The following CADPS variants were observed in gnomAD, a reference collection of about 807,000 sequenced individuals.
CADPS encodes calcium-dependent secretion activator 1.
A neutral mutation model predicts 167.3 loss-of-function variants in CADPS; 57 were observed. The ratio of observed to expected loss-of-function variants is 0.34; its 90% confidence interval spans 0.28 to 0.42. The LOEUF (loss-of-function observed/expected upper bound fraction) is 0.42, where lower values mean the gene tolerates loss of function less well. Ranked by LOEUF, CADPS falls within the 20% of genes least tolerant of loss-of-function variation. The pLI is 1.00. For synonymous variants in CADPS, 676 were observed against 635.3 expected, an observed-to-expected ratio of 1.06 and a Z score of -0.96; for missense variants, 1,414 against 1,738.1, an observed-to-expected ratio of 0.81 and a Z score of 3.32.
intron 1 of CADPS, among the ~76,000 whole-genome samples, chr3:62,828,216 G>C (rs890585357): frequency 4.6e-5 from 7 of 152,160 alleles, no homozygotes. Context: ...ACATGGTGCA[G>C]GTAAGAGGGT....
intron 24 of CADPS, among the ~76,000 whole-genome samples, chr3:62,472,532 G>T (rs907115517): frequency 6.6e-6 from 1 of 152,166 alleles, no homozygotes; most frequent in African/African-American, 2.4e-5. Flanking sequence ...CAGCTTAGGT[G>T]GGTGGTGGGC....
chr3:62,807,164 A>T (rs1008173065), intron 1 of CADPS, among the ~76,000 whole-genome samples: 1 of 152,244 alleles, frequency 6.6e-6, no homozygotes, highest in Admixed American at 6.5e-5. Context: ...TTGATTACAA[A>T]CATTAATCAG....
chr3:62,708,991 C>T (rs2082862968), intron 3 of CADPS, among the ~76,000 whole-genome samples: 1 of 152,042 alleles, frequency 6.6e-6, no homozygotes, highest in South Asian at 2.1e-4. Context: ...AAAAAATGAG[C>T]TCCCATGCTG....
chr3:62,436,133 T>C (rs1282688090), intron 28 of CADPS, among the ~76,000 whole-genome samples: 4 of 152,116 alleles, frequency 2.6e-5, no homozygotes, highest in Non-Finnish European at 5.9e-5. Context: ...AAAGAGATAA[T>C]GTGCCTTGCT....
intron 1 of CADPS, among the ~76,000 whole-genome samples, chr3:62,824,892 A>G (rs1449689325): frequency 6.6e-6 from 1 of 152,142 alleles, no homozygotes; most frequent in African/African-American, 2.4e-5. Flanking sequence ...ACATGCTACA[A>G]AACTGTGTAT....
At chr3:62,608,966 T>C (rs1267081179) in intron 6 of CADPS, among the ~76,000 whole-genome samples, 1 of 152,206 alleles carries the variant, frequency 6.6e-6, no homozygotes, top group Non-Finnish European at 1.5e-5. Context: ...CATTTTCTCC[T>C]AAAAGGTATT....
intron 29 of CADPS, among the ~76,000 whole-genome samples, chr3:62,401,984 C>G (rs754449902): frequency 5.3e-5 from 8 of 152,172 alleles, no homozygotes; most frequent in Admixed American, 1.3e-4. Flanking sequence ...GACGATTGAG[C>G]TGGTCCTAAG....
At chr3:62,864,760 TG>T (rs138474121) in intron 1 of CADPS, among the ~76,000 whole-genome samples, 3 of 152,072 alleles carry the variant, frequency 2.0e-5, no homozygotes, top group Non-Finnish European at 2.9e-5. Context: ...CATATAAATT[TG>T]GGGGGAACAT....
chr3:62,483,851 A>C (rs1376044578), intron 21 of CADPS, among the ~76,000 whole-genome samples: 5 of 152,206 alleles, frequency 3.3e-5, no homozygotes, highest in African/African-American at 9.7e-5. Context: ...GTGATCATTA[A>C]ATGATACACA....
At chr3:62,757,875 G>A (rs942189844) in intron 2 of CADPS, among the ~76,000 whole-genome samples, 1 of 152,196 alleles carries the variant, frequency 6.6e-6, no homozygotes, top group Admixed American at 6.5e-5. Flanking sequence ...GAGAGCATGT[G>A]CATGGGAACT....
intron 1 of CADPS, among the ~76,000 whole-genome samples, chr3:62,807,034 A>G (rs928769485): frequency 3.3e-5 from 5 of 152,204 alleles, no homozygotes; most frequent in African/African-American, 1.2e-4. Context: ...TAATTCCTGT[A>G]TTTTAAAGAT....
chr3:62,746,504 T>C (rs906627295), intron 3 of CADPS, among the ~76,000 whole-genome samples: 9 of 152,166 alleles, frequency 5.9e-5, no homozygotes, highest in Non-Finnish European at 1.0e-4. Context: ...GCCTGGCTAA[T>C]TTTTTAAATG....
intron 1 of CADPS, among the ~76,000 whole-genome samples, chr3:62,788,512 C>T (rs1393112842): frequency 1.3e-5 from 2 of 152,154 alleles, no homozygotes; most frequent in African/African-American, 4.8e-5. Flanking sequence ...TCCACGCCTT[C>T]AATCCATGTG....
intron 3 of CADPS, among the ~76,000 whole-genome samples, chr3:62,711,171 T>C (rs575702800): frequency 6.6e-6 from 1 of 152,332 alleles, no homozygotes; most frequent in East Asian, 1.9e-4. Context: ...TCCAATTCTA[T>C]TGATATACAT....
intron 2 of CADPS, among the ~76,000 whole-genome samples, chr3:62,762,896 TA>T (rs2085856930): frequency 6.6e-6 from 1 of 152,186 alleles, no homozygotes; most frequent in Non-Finnish European, 1.5e-5. Flanking sequence ...GCTGTTACAC[TA>T]TTTTTTAACG....
At chr3:62,531,422 C>T (rs2073656695) in intron 13 of CADPS, among the ~76,000 whole-genome samples, 1 of 152,080 alleles carries the variant, frequency 6.6e-6, no homozygotes, top group South Asian at 2.1e-4. Flanking sequence ...TGATGATAAC[C>T]TTGTTGCCTG....
At chr3:62,530,566 G>A (rs985506429) in intron 13 of CADPS, 11 of 850,374 alleles carry the variant, frequency 1.3e-5, no homozygotes, top group Non-Finnish European at 1.7e-5. Context: ...CTCAAAGCTT[G>A]CAAAAGTGGA....
intron 10 of CADPS, 24 bp downstream of exon 10, chr3:62,557,381 G>A (rs753235729): frequency 5.2e-6 from 8 of 1,526,526 alleles, no homozygotes; most frequent in Admixed American, 1.7e-5. Context: ...TTGTGGGCTC[G>A]TGGCCTTGAG....
intron 1 of CADPS, among the ~76,000 whole-genome samples, chr3:62,811,399 C>T (rs565985494): frequency 1.3e-5 from 2 of 152,218 alleles, no homozygotes; most frequent in South Asian, 4.2e-4. Context: ...CTCAGAAGCA[C>T]ACACCATCCA....
Sources: gnomAD v4.1 joint callset for allele counts (sites outside exome capture counted in the v4.1 genomes callset) on GRCh38, gnomAD v4.1.1 for gene constraint, MANE v1.5 for transcripts, NCBI Gene and HGNC (gene_info 2026-07-23, HGNC 2026-07-21) for gene names.